Variants in BOLL observed in about 807,000 individuals in gnomAD.
The protein encoded by BOLL is protein boule-like.
In BOLL, 23 loss-of-function variants were observed where a neutral mutation model predicts 44.4. The observed-to-expected ratio is 0.52, with a 90% CI of 0.37 to 0.73. The LOEUF is 0.73. Ranked by LOEUF, BOLL falls within the 30% of genes least tolerant of loss-of-function variation. The pLI is 0.00. For missense variants in BOLL, 287 were observed against 338.3 expected (o/e 0.85, Z 1.19); for synonymous variants, 97 against 110.8 (o/e 0.88, Z 0.78).
At chr2:197,754,380 G>T (rs1688405839) in intron 9 of BOLL, among the ~76,000 whole-genome samples, 1 of 152,086 alleles carries the variant, frequency 6.6e-6, no homozygotes, top group African/African-American at 2.4e-5. Context: ...AACTCAAGAT[G>T]GATTAAAGAC....
chr2:197,743,524 T>C (rs1257228612), intron 9 of BOLL, among the ~76,000 whole-genome samples: 1 of 152,134 alleles, frequency 6.6e-6, no homozygotes, highest in Non-Finnish European at 1.5e-5. Context: ...TGTAATTGTG[T>C]GTAAGGGGTT....
intron 3 of BOLL, 67 bp from the exon 4 acceptor site, chr2:197,777,180 A>G (rs1689554467): frequency 1.1e-5 from 12 of 1,131,756 alleles, no homozygotes; most frequent in Non-Finnish European, 1.3e-5. Context: ...TTATATTAAA[A>G]TGTTTAAAAA....
chr2:197,736,486 T>G (rs1687498542), intron 10 of BOLL, among the ~76,000 whole-genome samples: 1 of 152,126 alleles, frequency 6.6e-6, no homozygotes, highest in Non-Finnish European at 1.5e-5. Flanking sequence ...CAGTACTTTA[T>G]GAATGCTAAT....
chr2:197,776,404 A>C (rs1689515646), intron 4 of BOLL, among the ~76,000 whole-genome samples: 2 of 151,898 alleles, frequency 1.3e-5, no homozygotes, highest in Admixed American at 6.6e-5. Flanking sequence ...TTAAATGGAA[A>C]ACCATATAAA....
At position 197,773,209 on chromosome 2, in the gene BOLL, C is replaced by T. The variant is rs1165991088; in HGVS notation, c.353-1227G>A. Among the ~76,000 whole-genome samples the T allele has an allele frequency of 2.0e-5, 3 of 151,500 alleles. No homozygotes were observed. The East Asian group carries it at 5.8e-4, about 29-fold the overall frequency. On this transcript the variant is annotated intron_variant, in intron 5 of 10. Transcript: ENST00000392296. ...CACAATTTTGGAGGTCCATGGATTC[C>T]CCCCAAAAGATATTCCACTATTATT...
chr2:197,777,844 C>T (rs933260044), intron 3 of BOLL, among the ~76,000 whole-genome samples: 3 of 151,842 alleles, frequency 2.0e-5, no homozygotes, highest in Non-Finnish European at 4.4e-5. Flanking sequence ...CTGAGTAATG[C>T]TAAATATCTT....
intron 4 of BOLL, 139 bp downstream of exon 4, chr2:197,776,920 A>C (rs1441845081): frequency 5.3e-6 from 3 of 561,576 alleles, no homozygotes; most frequent in East Asian, 6.8e-5. Flanking sequence ...CTGCAGATTA[A>C]GTTTCCTAGA....
At chr2:197,738,461 T>G (rs77032596) in intron 10 of BOLL, among the ~76,000 whole-genome samples, 24,526 of 152,124 alleles carry the variant, frequency 0.16, 2,290 homozygotes, top group East Asian at 0.27. Flanking sequence ...TAGTTACCTC[T>G]ATATTGGTCT....
rs537934386 is a variant in BOLL, at chr2:197,751,838, C to CAA, written c.729+4588_729+4589dup. On this transcript the variant is annotated intron_variant, in intron 9 of 10. Coordinates refer to ENST00000392296, the MANE Select transcript of BOLL (RefSeq NM_033030.6). ...GATACCAAAACCTGTCAGAAACCAACAAAAAAAAAAAAAGAAAATTTCAGG... is the reference window on the plus strand; with the variant it reads ...GATACCAAAACCTGTCAGAAACCAACAAAAAAAAAAAAAAAGAAAATTTCAGG... Among the ~76,000 whole-genome samples, 874 of 134,356 alleles carry CAA rather than the reference C, an allele frequency of 6.5e-3. 4 individuals are homozygous for CAA. Among genetic ancestry groups the CAA allele is most frequent in the African/African-American group, 0.022 (810 of 36,860 alleles). The allele number at this position is 134,356 out of a possible 152,430, so 88.1% of individuals were successfully genotyped here. A position where few individuals can be genotyped will look rare whatever the true frequency, so the allele number is the denominator to read the frequency against.
In BOLL at chr2:197,766,327, G is replaced by A. The variant is rs561395712; in HGVS notation, c.552+205C>T. Among the ~76,000 whole-genome samples, 52 of 152,066 alleles carry A rather than the reference G, an allele frequency of 3.4e-4. No individual in the cohort carries two copies. The South Asian group carries it at 1.0e-2, about 29-fold the overall frequency. On this transcript the variant is annotated intron_variant, in intron 7 of 10. Transcript: ENST00000392296. ...AAGTGTTCCTATTCTCTGTAACCTCGCCAGCATCTGCTATTTTTGACTTTT... is the reference window on the plus strand; with the variant it reads ...AAGTGTTCCTATTCTCTGTAACCTCACCAGCATCTGCTATTTTTGACTTTT...
chr2:197,771,626 G>A (rs1689265740), intron 6 of BOLL, among the ~76,000 whole-genome samples: 1 of 152,002 alleles, frequency 6.6e-6, no homozygotes, highest in Admixed American at 6.6e-5. Flanking sequence ...CTTTTGAACA[G>A]GAAAGAGGGT....
intron 1 of BOLL, chr2:197,784,627 A>G: frequency 1.4e-6 from 1 of 728,454 alleles, no homozygotes; most frequent in Non-Finnish European, 1.7e-6. Flanking sequence ...ATGGGTTTTC[A>G]CCATTTTGGC....
At chr2:197,737,258 A>G (rs1037899112) in intron 10 of BOLL, among the ~76,000 whole-genome samples, 1 of 151,844 alleles carries the variant, frequency 6.6e-6, no homozygotes, top group Admixed American at 6.6e-5. Flanking sequence ...ATTTTTTTTC[A>G]CAGAATCCAT....
chr2:197,745,214 ATAAG>A (rs1687938034), intron 9 of BOLL, among the ~76,000 whole-genome samples: 3 of 152,318 alleles, frequency 2.0e-5, no homozygotes, highest in South Asian at 4.1e-4. Context: ...AATCATTGAA[ATAAG>A]TGAGTGAAGA....
At chr2:197,759,113 A>C (rs2106354233) in intron 7 of BOLL, 1 of 827,470 alleles carries the variant, frequency 1.2e-6, no homozygotes, top group East Asian at 2.7e-5. Flanking sequence ...GACTAAGGCA[A>C]AGAATAAACA....
At chr2:197,768,520 A>T (rs1689096227) in intron 6 of BOLL, among the ~76,000 whole-genome samples, 1 of 151,836 alleles carries the variant, frequency 6.6e-6, no homozygotes, top group Non-Finnish European at 1.5e-5. Context: ...CACCAATGGA[A>T]CAAAATAGCA....
In BOLL at chr2:197,766,496, G is replaced by C. The variant is rs1403940; in HGVS notation, c.552+36C>G. The C allele has an allele frequency of 2.0e-3, 2,997 of 1,520,500 alleles. 60 individuals carry two copies. In the African/African-American group the frequency reaches 0.036, roughly 18 times the overall value. The allele number at this position is 1,520,500 out of a possible 1,614,324, so 94.2% of individuals were successfully genotyped here. ...AAAGTTAGCTAAGAAAGGACTGAAA[G>C]TTTCAGAGAGAATTTTAATTGTAAT... On this transcript the variant is annotated intron_variant, in intron 7 of 10. Coordinates refer to ENST00000392296, the MANE Select transcript of BOLL (RefSeq NM_033030.6).
At chr2:197,785,394 C>T (rs866686900), upstream of BOLL, 19 of 985,650 alleles carry the variant, frequency 1.9e-5, no homozygotes, top group Middle Eastern at 1.0e-3. The surrounding 1 kb of genome is among the most constrained non-coding windows in gnomAD (Gnocchi z 6.7). Flanking sequence ...GGCACGTTGC[C>T]GCTGCGCCTC....
chr2:197,781,035 A>C (rs938153707), intron 2 of BOLL, among the ~76,000 whole-genome samples: 1 of 151,998 alleles, frequency 6.6e-6, no homozygotes, highest in Non-Finnish European at 1.5e-5. Flanking sequence ...TTTTTAAAAA[A>C]CTTTTATTTT....
Sources: gnomAD v4.1 joint callset for allele counts (sites outside exome capture counted in the v4.1 genomes callset) on GRCh38, gnomAD v4.1.1 for gene constraint, Gnocchi (gnomAD v3.1) non-coding constraint, MANE v1.5 for transcripts, NCBI Gene and HGNC (gene_info 2026-07-23, HGNC 2026-07-21) for gene names.